CCDC148: variants seen among roughly 807,000 people sequenced by gnomAD.
CCDC148 encodes the protein coiled-coil domain containing 148, also known as coiled-coil domain-containing protein 148.
Under a neutral mutation model 85.7 loss-of-function variants are expected in CCDC148, and 89 were observed. The ratio of observed to expected loss-of-function variants is 1.04; its 90% CI spans 0.87 to 1.24. The LOEUF (loss-of-function observed/expected upper bound fraction) is 1.24. Ranked by LOEUF, CCDC148 falls within the 50% of genes most tolerant of loss-of-function variation. The probability of loss-of-function intolerance (pLI) is 0.00; values close to 1 mark genes in which losing one functional copy is unlikely to be tolerated. For missense variants in CCDC148, 692 were observed against 671.7 expected (o/e 1.03, Z -0.33); for synonymous variants, 230 against 213.9 (o/e 1.08, Z -0.66).
At chr2:158,374,607 G>T (rs1684581273) in intron 1 of CCDC148, among the ~76,000 whole-genome samples, 1 of 151,820 alleles carries the variant, frequency 6.6e-6, no homozygotes, top group African/African-American at 2.4e-5. Flanking sequence ...TAGTGTCAAA[G>T]GGGACTTTAG....
intron 1 of CCDC148, among the ~76,000 whole-genome samples, chr2:158,435,796 T>C (rs140697082): frequency 4.6e-5 from 7 of 150,610 alleles, no homozygotes; most frequent in Admixed American, 1.3e-4. Context: ...ACCAAGAAAA[T>C]AGAAAACAAA....
chr2:158,433,261 A>AATATGTATAT (rs1687457474), intron 1 of CCDC148, among the ~76,000 whole-genome samples: 1 of 122,552 alleles, frequency 8.2e-6, no homozygotes, highest in Non-Finnish European at 1.8e-5. Flanking sequence ...CCTTGACTCA[A>AATATGTATAT]ATATATATAT....
chr2:158,370,781 A>G (rs1684404176), intron 1 of CCDC148, among the ~76,000 whole-genome samples: 1 of 151,932 alleles, frequency 6.6e-6, no homozygotes, highest in South Asian at 2.1e-4. Context: ...TATAATGGGA[A>G]AAATCTCACT....
At chr2:158,383,704 A>G (rs1270743251) in intron 1 of CCDC148, among the ~76,000 whole-genome samples, 1 of 152,124 alleles carries the variant, frequency 6.6e-6, no homozygotes, top group African/African-American at 2.4e-5. Flanking sequence ...TGTTGCCCTG[A>G]TTTCCCATCC....
At position 158,171,600 on chromosome 2, in the gene CCDC148, G is replaced by A. The variant is rs1684324562; in HGVS notation, c.*513C>T. The stretch of plus-strand genomic sequence containing the variant: ...ATTTGCAAAATGAAATTGTTTGGAT[G>A]ATTGGTTTGCAGTAAACATGGTGTA... On this transcript the variant is annotated 3_prime_UTR_variant, in exon 14 of 14. Coordinates refer to ENST00000283233, the MANE Select transcript of CCDC148 (RefSeq NM_138803.4). 1 of 151,854 alleles carries A rather than the reference G, an allele frequency of 6.6e-6. No homozygotes were observed. The highest frequency in any genetic ancestry group is 1.5e-5 in the Non-Finnish European group (1 of 67,920). 9.4% of individuals were successfully genotyped at this position (151,854 alleles called of 1,614,324 possible).
intron 11 of CCDC148, among the ~76,000 whole-genome samples, chr2:158,217,374 G>A (rs75272642): frequency 0.032 from 3,166 of 97,866 alleles, 155 homozygotes; most frequent in African/African-American, 0.096. Flanking sequence ...GTGTGTGTGT[G>A]TATATATATA....
At chr2:158,327,476 C>T (rs566067174) in intron 7 of CCDC148, among the ~76,000 whole-genome samples, 2 of 152,150 alleles carry the variant, frequency 1.3e-5, no homozygotes, top group Non-Finnish European at 2.9e-5. Flanking sequence ...ACATGAGCAA[C>T]GTGAATGCCT....
At chr2:158,420,641 T>C (rs1224105475) in intron 1 of CCDC148, among the ~76,000 whole-genome samples, 1 of 152,074 alleles carries the variant, frequency 6.6e-6, no homozygotes, top group Admixed American at 6.6e-5. Flanking sequence ...ACAAGTCAAA[T>C]TGTAAAGACC....
chr2:158,358,701 A>C (rs1683787156), intron 1 of CCDC148, 131 bp from the exon 2 acceptor site: 2 of 388,382 alleles, frequency 5.1e-6, no homozygotes, highest in African/African-American at 4.2e-5. Flanking sequence ...AAGAAATAAT[A>C]TATTACAATA....
intron 9 of CCDC148, among the ~76,000 whole-genome samples, chr2:158,265,504 T>A (rs1027615021): frequency 6.9e-6 from 1 of 145,972 alleles, no homozygotes; most frequent in Non-Finnish European, 1.5e-5. Context: ...GTCATTAGTA[T>A]ATAAATTAAA....
At chr2:158,400,092 A>G (rs963386106) in intron 1 of CCDC148, among the ~76,000 whole-genome samples, 4 of 152,208 alleles carry the variant, frequency 2.6e-5, no homozygotes, top group Non-Finnish European at 5.9e-5. Context: ...TTCCATGTCC[A>G]TGGATAGGAA....
chr2:158,215,309 TTTTAAAAGAATTAGG>T (rs1349741121), intron 11 of CCDC148, among the ~76,000 whole-genome samples: 1 of 152,172 alleles, frequency 6.6e-6, no homozygotes, highest in African/African-American at 2.4e-5. Context: ...ATATATACTA[TTTTAAAAGAATTAGG>T]TAGGTTTATT....
At chr2:158,334,276 A>G (rs1488785169) in intron 7 of CCDC148, among the ~76,000 whole-genome samples, 2 of 152,086 alleles carry the variant, frequency 1.3e-5, no homozygotes, top group Non-Finnish European at 2.9e-5. Flanking sequence ...AGTAAGTTGT[A>G]ATTCTTTGTA....
rs368661186 is a variant in CCDC148 at position 158,451,155 on chromosome 2, A to G, written c.25+5260T>C. On this transcript the variant is annotated intron_variant, in intron 1 of 13. Coordinates refer to ENST00000283233, the MANE Select transcript of CCDC148 (RefSeq NM_138803.4). ...TTTTCATTTCTTTTTCATAGTTTCTATTTCTCTATTTAGAGTCCATATTTG... is the reference window on the plus strand; with the variant it reads ...TTTTCATTTCTTTTTCATAGTTTCTGTTTCTCTATTTAGAGTCCATATTTG... Among the ~76,000 whole-genome samples the G allele has an allele frequency of 6.6e-5, 10 of 152,002 alleles. No individual in the cohort carries two copies. The East Asian group carries it at 7.7e-4, about 12-fold the overall frequency.
chr2:158,434,753 T>C (rs1353096524), intron 1 of CCDC148, among the ~76,000 whole-genome samples: 1 of 152,094 alleles, frequency 6.6e-6, no homozygotes. Context: ...AATGGCTAAC[T>C]AGAATAAACA....
chr2:158,407,608 G>A (rs1686080997), intron 1 of CCDC148, among the ~76,000 whole-genome samples: 1 of 152,086 alleles, frequency 6.6e-6, no homozygotes, highest in South Asian at 2.1e-4. Flanking sequence ...ATTAAATTTT[G>A]GCAGTACAGC....
At chr2:158,398,286 A>T (rs1284126641) in intron 1 of CCDC148, among the ~76,000 whole-genome samples, 4 of 152,164 alleles carry the variant, frequency 2.6e-5, no homozygotes, top group African/African-American at 7.2e-5. Flanking sequence ...CCTAATAGAC[A>T]TCTACAGAAC....
chr2:158,225,481 C>A (rs1040275962), intron 10 of CCDC148, among the ~76,000 whole-genome samples: 7 of 152,164 alleles, frequency 4.6e-5, no homozygotes, highest in African/African-American at 1.7e-4. Context: ...GAACTCTCCA[C>A]CCCAAATCAA....
chr2:158,251,903 T>C (rs1433888128), intron 9 of CCDC148, among the ~76,000 whole-genome samples: 1 of 151,784 alleles, frequency 6.6e-6, no homozygotes, highest in Non-Finnish European at 1.5e-5. Flanking sequence ...TTCCTGGGAT[T>C]TAAAAAAATT....
Sources: gnomAD v4.1 joint callset for allele counts (sites outside exome capture counted in the v4.1 genomes callset) on GRCh38, gnomAD v4.1.1 for gene constraint, MANE v1.5 for transcripts, NCBI Gene and HGNC (gene_info 2026-07-23, HGNC 2026-07-21) for gene names.